Variants in MCFD2 observed in about 807,000 individuals in gnomAD.
MCFD2 encodes multiple coagulation factor deficiency protein 2.
In MCFD2, 11 loss-of-function variants were observed where a neutral mutation model predicts 12.8. The ratio of observed to expected loss-of-function variants is 0.86; its 90% CI spans 0.54 to 1.42. The LOEUF (loss-of-function observed/expected upper bound fraction) is 1.42, where lower values mean the gene tolerates loss of function less well. Ranked by LOEUF, MCFD2 falls within the 40% of genes most tolerant of loss-of-function variation. The pLI, the probability that MCFD2 is intolerant of heterozygous loss-of-function variation, is 0.00. For synonymous variants in MCFD2, 70 were observed against 68.1 expected (o/e 1.03, Z -0.14); for missense variants, 191 against 178.6 (o/e 1.07, Z -0.40).
upstream of MCFD2, chr2:46,916,227 A>T (rs916747164): frequency 6.5e-5 from 60 of 929,982 alleles, 1 homozygote; most frequent in African/African-American, 9.6e-4. Flanking sequence ...AGATAATAGG[A>T]ATGCTAATTC....
rs1017647378 is a variant in MCFD2, at chr2:46,907,840, G to A, written c.279C>T (p.Leu93=). The A allele has an allele frequency of 3.7e-6, 6 of 1,614,196 alleles. No homozygotes were observed. The highest frequency in any genetic ancestry group is 5.1e-6 in the Non-Finnish European group (6 of 1,180,022). ...DGNNLLDGLE[L]STAITHVHKE... ...TATGGACATGAGTGATGGCTGTGGA[G>A]AGTTCTAAGCCATCAAGCAAATTAT... The change falls in exon 3 of 4, where the codon CTC becomes CTT. Residue 93 remains leucine, a synonymous_variant. Coordinates refer to ENST00000319466, the MANE Select transcript of MCFD2 (RefSeq NM_139279.6). This position sits in a 1 kb window ranked among gnomAD's most constrained non-coding sequence, Gnocchi z 4.1.
chr2:46,915,845 C>T (rs1367231038), upstream of MCFD2: 4 of 934,464 alleles, frequency 4.3e-6, no homozygotes, highest in African/African-American at 5.4e-5. Flanking sequence ...CCTGCGCACG[C>T]GCGCTCCCTG....
intron 1 of MCFD2, among the ~76,000 whole-genome samples, chr2:46,926,974 G>GGATA (rs55688290): frequency 0.15 from 22,853 of 151,796 alleles, 2,659 homozygotes; most frequent in African/African-American, 0.33. Context: ...AAAATATAAC[G>GGATA]GATAGATTGA....
rs1362880458 is a variant in MCFD2 at position 46,940,780 on chromosome 2, A to G, written c.-8+792T>C. On this transcript the variant is annotated intron_variant, in intron 1 of 2. Coordinates refer to the MCFD2 transcript ENST00000409147. This position sits in a 1 kb window ranked among gnomAD's most constrained non-coding sequence, Gnocchi z 4.7. ...GTCCTCGCGAGCATGCCTGGCCCGC[A>G]TCGCAACAGGGCGGGGCGGACAGCG... Among the ~76,000 whole-genome samples, 7 of 152,198 alleles carry G rather than the reference A, an allele frequency of 4.6e-5. No individual in the cohort carries two copies. Among genetic ancestry groups the G allele is most frequent in the Non-Finnish European group, 1.0e-4 (7 of 68,030 alleles).
rs1668338319 is a variant in MCFD2, at chr2:46,908,427, A to AT, written c.150-459dup. On this transcript the variant is annotated intron_variant, in intron 2 of 3. Coordinates refer to ENST00000319466, the MANE Select transcript of MCFD2 (RefSeq NM_139279.6). The surrounding 1 kb of genome is among the most constrained non-coding windows in gnomAD (Gnocchi z 4.5). ...AGGCATGTACTGCCACATCCAGCTA[A>AT]TTTTTTGCAATTTTTTAGTAGAGAC... 3.8e-6 allele frequency: 1 copy of AT among 261,742 alleles called. No homozygotes were observed. Among genetic ancestry groups the AT allele is most frequent in the South Asian group, 4.1e-5 (1 of 24,226 alleles). The allele number at this position is 261,742 out of a possible 1,614,324, so 16.2% of individuals were successfully genotyped here. A position where few individuals can be genotyped will look rare whatever the true frequency, so the allele number is the denominator to read the frequency against.
intron 1 of MCFD2, among the ~76,000 whole-genome samples, chr2:46,927,835 T>G (rs1228270915): frequency 6.7e-6 from 1 of 150,176 alleles, no homozygotes; most frequent in East Asian, 1.9e-4. Flanking sequence ...AGAAAAAAAC[T>G]GAGTGATTTA....
intron 1 of MCFD2, among the ~76,000 whole-genome samples, chr2:46,925,626 T>C (rs2103819684): frequency 6.6e-6 from 1 of 152,278 alleles, no homozygotes; most frequent in South Asian, 2.1e-4. Flanking sequence ...AACTGACTCA[T>C]TTGATGTGAA....
chr2:46,914,996 G>C (rs1162233177), intron 1 of MCFD2, among the ~76,000 whole-genome samples: 1 of 152,220 alleles, frequency 6.6e-6, no homozygotes, highest in Non-Finnish European at 1.5e-5. Flanking sequence ...GGTGATAAGG[G>C]AATGGGGGGA....
At chr2:46,911,273 G>A (rs1668474516) in intron 1 of MCFD2, among the ~76,000 whole-genome samples, 1 of 151,914 alleles carries the variant, frequency 6.6e-6, no homozygotes, top group Admixed American at 6.5e-5. Flanking sequence ...GATTACAGGT[G>A]CATGTCACCA....
rs1454748257 is a variant in MCFD2, at chr2:46,941,682, C to A, written c.-118G>T. 1 of 1,551,520 alleles carries A rather than the reference C, an allele frequency of 6.4e-7. No individual in the cohort carries two copies. Among genetic ancestry groups the A allele is most frequent in the Non-Finnish European group, 8.7e-7 (1 of 1,147,808 alleles). ...TGAGCATGCCCGGCGGCGGAGGTAA[C>A]AGGCGAGGCAGCCCGAGCGCAGCGT... On this transcript the variant is annotated 5_prime_UTR_variant, in exon 1 of 3. Transcript: ENST00000409147. The surrounding 1 kb of genome is among the most constrained non-coding windows in gnomAD (Gnocchi z 4.2).
At chr2:46,921,601 G>A (rs1213665988) in intron 1 of MCFD2, among the ~76,000 whole-genome samples, 1 of 152,094 alleles carries the variant, frequency 6.6e-6, no homozygotes, top group Non-Finnish European at 1.5e-5. Flanking sequence ...TCACTTTAAA[G>A]AAAATAGTCA....
In MCFD2 at chr2:46,902,289, C is replaced by T. The variant is rs890233722; in HGVS notation, c.*3174G>A. 1 of 152,628 alleles carries T rather than the reference C, an allele frequency of 6.6e-6. No homozygotes were observed. The highest frequency in any genetic ancestry group is 1.5e-5 in the Non-Finnish European group (1 of 68,034). 9.5% of individuals were successfully genotyped at this position (152,628 alleles called of 1,614,324 possible). ...TCTAGGCTAAAAGAGGTAACTTCAACAATATCCCTCTTGACTAGAACTTCT... is the reference window on the plus strand; with the variant it reads ...TCTAGGCTAAAAGAGGTAACTTCAATAATATCCCTCTTGACTAGAACTTCT... On this transcript the variant is annotated 3_prime_UTR_variant, in exon 4 of 4. Transcript: ENST00000319466.
At chr2:46,909,583 C>A (rs761874964) in intron 1 of MCFD2, among the ~76,000 whole-genome samples, 2 of 152,206 alleles carry the variant, frequency 1.3e-5, no homozygotes, top group African/African-American at 4.8e-5. Flanking sequence ...GGGAAGAAAT[C>A]TCCTCCGAGT....
At chr2:46,929,715 CA>C (rs1230675378) in intron 1 of MCFD2, among the ~76,000 whole-genome samples, 1 of 151,988 alleles carries the variant, frequency 6.6e-6, no homozygotes, top group Non-Finnish European at 1.5e-5. Flanking sequence ...GATTGAATTG[CA>C]AAAAGCCAGA....
chr2:46,925,265 A>C (rs1669327168), intron 1 of MCFD2, among the ~76,000 whole-genome samples: 1 of 152,140 alleles, frequency 6.6e-6, no homozygotes, highest in African/African-American at 2.4e-5. Context: ...TGTTTTTTTA[A>C]CAATATGTTG....
upstream of MCFD2, among the ~76,000 whole-genome samples, chr2:46,917,707 C>G (rs376266916): frequency 1.2e-4 from 18 of 152,310 alleles, 1 homozygote; most frequent in South Asian, 3.3e-3. Context: ...GCTGTATTTT[C>G]TCCCCCACCA....
In MCFD2 at chr2:46,905,397, C is replaced by G; in HGVS notation, c.*66G>C. 6.3e-7 allele frequency: 1 copy of G among 1,577,372 alleles called. No individual in the cohort carries two copies. Among genetic ancestry groups the G allele is most frequent in the Non-Finnish European group, 8.7e-7 (1 of 1,149,074 alleles). On this transcript the variant is annotated 3_prime_UTR_variant, in exon 4 of 4. Transcript: ENST00000319466. Reference sequence around the variant, plus strand: ...GTTGGAAATGAGTTATTTTGCATTACTAAAGTGTTCAATCACATTATCACG... The same window carrying G: ...GTTGGAAATGAGTTATTTTGCATTAGTAAAGTGTTCAATCACATTATCACG...
chr2:46,917,799 G>A (rs938608514), upstream of MCFD2, among the ~76,000 whole-genome samples: 1 of 152,134 alleles, frequency 6.6e-6, no homozygotes, highest in Non-Finnish European at 1.5e-5. Flanking sequence ...TCTCAACACT[G>A]TTTTATCAAA....
At chr2:46,924,119 G>A (rs1335362912) in intron 1 of MCFD2, among the ~76,000 whole-genome samples, 1 of 151,606 alleles carries the variant, frequency 6.6e-6, no homozygotes, top group Non-Finnish European at 1.5e-5. Context: ...TGAGAGGATC[G>A]CCTGGGCCCA....
Sources: gnomAD v4.1 joint callset for allele counts (sites outside exome capture counted in the v4.1 genomes callset) on GRCh38, gnomAD v4.1.1 for gene constraint, Gnocchi (gnomAD v3.1) non-coding constraint, MANE v1.5 for transcripts, NCBI Gene and HGNC (gene_info 2026-07-23, HGNC 2026-07-21) for gene names.